The following GOLIM4 variants were observed in gnomAD, a reference collection of about 807,000 sequenced individuals.
GOLIM4 encodes golgi integral membrane protein 4, also known as 130 kDa golgi-localized phosphoprotein.
A neutral mutation model predicts 107.4 loss-of-function variants in GOLIM4; 71 were observed. The observed-to-expected ratio is 0.66, with a 90% CI of 0.55 to 0.81. GOLIM4 has a LOEUF of 0.81. Among genes scored for constraint, GOLIM4 ranks in the 30% least tolerant of loss-of-function variants. The pLI, the probability that GOLIM4 is intolerant of heterozygous loss-of-function variation, is 0.00. For missense variants in GOLIM4, 830 were observed against 826.1 expected (o/e 1.00, Z -0.06); for synonymous variants, 327 against 294.8 (o/e 1.11, Z -1.12).
intron 1 of GOLIM4, among the ~76,000 whole-genome samples, chr3:168,093,578 A>G (rs1231626463): frequency 1.3e-5 from 2 of 152,120 alleles, no homozygotes; most frequent in Non-Finnish European, 2.9e-5. Context: ...CCTTGGTCTG[A>G]CTCCATGGAA....
intron 1 of GOLIM4, among the ~76,000 whole-genome samples, chr3:168,091,102 C>T (rs1721884937): frequency 6.6e-6 from 1 of 152,172 alleles, no homozygotes; most frequent in Admixed American, 6.5e-5. Flanking sequence ...CAGACTTCAC[C>T]ACAACTCAAT....
chr3:168,064,651 G>A (rs932102177), intron 1 of GOLIM4, among the ~76,000 whole-genome samples: 25 of 150,252 alleles, frequency 1.7e-4, no homozygotes, highest in Admixed American at 1.3e-3. Context: ...TGCCCAGGCT[G>A]GTCTCAAACT....
chr3:168,019,285 C>T (rs954011089), intron 14 of GOLIM4, among the ~76,000 whole-genome samples: 1 of 152,212 alleles, frequency 6.6e-6, no homozygotes, highest in Non-Finnish European at 1.5e-5. Context: ...AATATTGCCA[C>T]ACCTGCATCA....
intron 1 of GOLIM4, among the ~76,000 whole-genome samples, chr3:168,092,043 C>T (rs1721942192): frequency 6.6e-6 from 1 of 152,192 alleles, no homozygotes; most frequent in African/African-American, 2.4e-5. Context: ...GGGTTCCACC[C>T]CCCATAGACT....
In GOLIM4 at chr3:168,043,428, T is replaced by C; in HGVS notation, c.468A>G (p.Lys156=). 6.2e-7 allele frequency: 1 copy of C among 1,612,206 alleles called. No homozygotes were observed. Among genetic ancestry groups the C allele is most frequent in the Non-Finnish European group, 8.5e-7 (1 of 1,179,120 alleles). The change falls in exon 5 of 16, where the codon AAA becomes AAG. Residue 156 remains lysine (K), a synonymous_variant. Coordinates refer to ENST00000470487, the MANE Select transcript of GOLIM4 (RefSeq NM_014498.5). ...CTTTTTCTTGCTGGAGCTGCAAGTA[T>C]TTTTGCTTATGGTCATTAAATGTTC... is the stretch of plus-strand genomic sequence containing the variant. ...FSRTFNDHKQ[K]YLQLQQEKEQ...
At chr3:168,059,886 A>C (rs888947810) in intron 1 of GOLIM4, among the ~76,000 whole-genome samples, 1 of 151,944 alleles carries the variant, frequency 6.6e-6, no homozygotes, top group Non-Finnish European at 1.5e-5. Flanking sequence ...CTAGGGGGAG[A>C]CTCTTCCAAA....
intron 13 of GOLIM4, 55 bp downstream of exon 13, chr3:168,024,873 G>A (rs771195608): frequency 6.9e-5 from 104 of 1,514,098 alleles, no homozygotes; most frequent in Non-Finnish European, 8.7e-5. Context: ...ACATAAACCA[G>A]ATGTTTCTTA....
chr3:168,015,814 G>C (rs575543183), intron 14 of GOLIM4, among the ~76,000 whole-genome samples: 1 of 132,624 alleles, frequency 7.5e-6, no homozygotes, highest in Admixed American at 7.0e-5. Flanking sequence ...TTAATAAATG[G>C]TGCTGGGAAA....
Position 168,009,351 on chromosome 3 carries a change from C to T in GOLIM4, c.*918G>A, listed in dbSNP as rs1354409442. ...TTATCAAAGTGATTGCATATTGAGG[C>T]ACAGAGCTTAAAGAGGAAATATATA... On this transcript the variant is annotated 3_prime_UTR_variant, in exon 16 of 16. Coordinates refer to ENST00000470487, the MANE Select transcript of GOLIM4 (RefSeq NM_014498.5). 1.5e-5 allele frequency: 2 copies of T among 137,324 alleles called. No individual in the cohort carries two copies. Among genetic ancestry groups the T allele is most frequent in the Non-Finnish European group, 3.0e-5 (2 of 65,620 alleles). 8.5% of individuals were successfully genotyped at this position (137,324 alleles called of 1,614,324 possible).
chr3:168,029,974 C>T lies in GOLIM4; in HGVS notation c.1239G>A (p.Gln413=). 6.2e-7 allele frequency: 1 copy of T among 1,614,150 alleles called. No homozygotes were observed. ...FQSPYEEQLE[Q]QRLAVQQVEE... ...CCACCTGCTGCACTGCCAGTCTCTG[C>T]TGTTCCAACTGTTCCTCATAGGGTG... is the stretch of plus-strand genomic sequence containing the variant. The change falls in exon 10 of 16, where the codon CAG becomes CAA. Residue 413 remains glutamine (Q), a synonymous_variant. Transcript: ENST00000470487.
chr3:168,053,602 A>C (rs1719774557), intron 1 of GOLIM4, among the ~76,000 whole-genome samples: 1 of 152,208 alleles, frequency 6.6e-6, no homozygotes. Context: ...AATAAATTGA[A>C]ATTAATATAC....
At chr3:168,094,548 T>C (rs951355103) in intron 1 of GOLIM4, among the ~76,000 whole-genome samples, 11 of 152,204 alleles carry the variant, frequency 7.2e-5, no homozygotes, top group Admixed American at 4.6e-4. Context: ...AATAAGAAAC[T>C]AGCAGGTCCA....
chr3:168,035,548 C>G (rs565401364), intron 8 of GOLIM4, among the ~76,000 whole-genome samples: 2 of 152,282 alleles, frequency 1.3e-5, no homozygotes, highest in Admixed American at 1.3e-4. Context: ...AACACAGGAA[C>G]AGAAAGTCAA....
At position 168,078,321 on chromosome 3, in the gene GOLIM4, A is replaced by G. The variant is rs114346362; in HGVS notation, c.187+16778T>C. ...TGGTAGCAAACTTTAAATTATCACA[A>G]GTAATAAAAGTAAAATCAATTACAT... On this transcript the variant is annotated intron_variant, in intron 1 of 15. Transcript: ENST00000470487. Among the ~76,000 whole-genome samples the G allele has an allele frequency of 6.7e-3, 1,025 of 152,294 alleles. 6 individuals are homozygous for G. Among genetic ancestry groups the G allele is most frequent in the African/African-American group, 0.023 (961 of 41,568 alleles).
intron 14 of GOLIM4, among the ~76,000 whole-genome samples, chr3:168,011,723 T>C (rs1235726893): frequency 1.5e-5 from 2 of 137,302 alleles, no homozygotes; most frequent in Non-Finnish European, 3.0e-5. Context: ...CCTCCTCAAG[T>C]GGGTCCCTGA....
At chr3:168,059,734 A>C (rs971358449) in intron 1 of GOLIM4, among the ~76,000 whole-genome samples, 15 of 152,208 alleles carry the variant, frequency 9.9e-5, no homozygotes, top group Non-Finnish European at 1.9e-4. Flanking sequence ...AGATCGAAAG[A>C]GACTGGAGGC....
At chr3:168,086,997 T>C (rs1308025311) in intron 1 of GOLIM4, among the ~76,000 whole-genome samples, 1 of 152,138 alleles carries the variant, frequency 6.6e-6, no homozygotes, top group Non-Finnish European at 1.5e-5. Flanking sequence ...CTTATCCACC[T>C]TAGAATTCAG....
At chr3:168,013,962 A>C (rs1717215592) in intron 14 of GOLIM4, among the ~76,000 whole-genome samples, 1 of 149,452 alleles carries the variant, frequency 6.7e-6, no homozygotes, top group Admixed American at 6.6e-5. Context: ...TGACACCCTA[A>C]CATCACAATT....
intron 1 of GOLIM4, among the ~76,000 whole-genome samples, chr3:168,076,213 T>A (rs554887990): frequency 6.6e-6 from 1 of 152,342 alleles, no homozygotes; most frequent in South Asian, 2.1e-4. Flanking sequence ...TTCACTTAAT[T>A]TTTAAATAAA....
Sources: gnomAD v4.1 joint callset for allele counts (sites outside exome capture counted in the v4.1 genomes callset) on GRCh38, gnomAD v4.1.1 for gene constraint, MANE v1.5 for transcripts, NCBI Gene and HGNC (gene_info 2026-07-23, HGNC 2026-07-21) for gene names.